Variants in DIP2B observed in about 807,000 individuals in gnomAD.
DIP2B encodes the protein DIP2 acetate--CoA ligase B (putative).
Under a neutral mutation model 198.0 loss-of-function variants are expected in DIP2B, and 76 were observed. The observed-to-expected ratio is 0.38, with a 90% CI of 0.32 to 0.46. The LOEUF is 0.46. Ranked by LOEUF, DIP2B falls within the 20% of genes least tolerant of loss-of-function variation. The probability of loss-of-function intolerance (pLI) is 0.99; values close to 1 mark genes in which losing one functional copy is unlikely to be tolerated. For missense variants in DIP2B, 1,559 were observed against 1,978.4 expected (o/e 0.79, Z 4.02); for synonymous variants, 701 against 739.1 (o/e 0.95, Z 0.84).
chr12:50,633,174 A>T (rs1938093969), intron 2 of DIP2B: 1 of 152,212 alleles, frequency 6.6e-6, no homozygotes, highest in Admixed American at 6.5e-5. Context: ...AATGTTACAT[A>T]AATCTTTAAA....
intron 9 of DIP2B, among the ~76,000 whole-genome samples, chr12:50,682,590 C>T (rs1939060650): frequency 7.5e-6 from 1 of 133,464 alleles, no homozygotes; most frequent in Non-Finnish European, 1.5e-5. Context: ...GATCGCACCA[C>T]TGCATTCCAG....
Position 50,695,906 on chromosome 12 carries a change from C to A in DIP2B, c.1872C>A (p.Asp624Glu). The change falls in exon 16 of 38, where the codon GAC becomes GAA. Residue 624 changes from aspartate (D) to glutamate (E), a missense_variant. Asp to Glu is a conservative substitution (Grantham distance 45). Transcript: ENST00000301180. ...DLHWAMMAHR[D>E]QRDVSLSSLR... is the part of the protein sequence containing the mutation. Reference sequence around the variant, plus strand: ...ACTGGGCTATGATGGCACATCGGGACCAAAGAGACGTGAGCTTGAGTTCCC... The same window carrying A: ...ACTGGGCTATGATGGCACATCGGGAACAAAGAGACGTGAGCTTGAGTTCCC... 1 of 1,614,056 alleles carries A rather than the reference C, an allele frequency of 6.2e-7. No homozygotes were observed. The highest frequency in any genetic ancestry group is 8.5e-7 in the Non-Finnish European group (1 of 1,179,970).
At chr12:50,526,791 A>G (rs1958169783) in intron 1 of DIP2B, among the ~76,000 whole-genome samples, 2 of 151,730 alleles carry the variant, frequency 1.3e-5, no homozygotes, top group South Asian at 4.2e-4. Flanking sequence ...CTGTGCCACC[A>G]CGCTTGGCTA....
chr12:50,535,765 C>G (rs9738596), intron 1 of DIP2B, among the ~76,000 whole-genome samples: 131,914 of 151,184 alleles, frequency 0.87, 58,721 homozygotes, highest in Non-Finnish European at 0.98. Flanking sequence ...AGTTACATAT[C>G]TATACATGTG....
At chr12:50,639,992 A>C (rs1938225797) in intron 2 of DIP2B, among the ~76,000 whole-genome samples, 1 of 152,172 alleles carries the variant, frequency 6.6e-6, no homozygotes, top group Admixed American at 6.6e-5. Flanking sequence ...CAAGATTAGT[A>C]AGTTCTGCTT....
At chr12:50,532,584 CA>C (rs1341619793) in intron 1 of DIP2B, among the ~76,000 whole-genome samples, 1 of 152,006 alleles carries the variant, frequency 6.6e-6, no homozygotes, top group Admixed American at 6.6e-5. Flanking sequence ...TGAAGACATA[CA>C]AAAAAACCCA....
chr12:50,650,883 G>A (rs963710696), intron 3 of DIP2B, among the ~76,000 whole-genome samples: 3 of 152,082 alleles, frequency 2.0e-5, no homozygotes, highest in African/African-American at 7.2e-5. Flanking sequence ...AGGAAACTCC[G>A]TACTATTTTC....
intron 22 of DIP2B, among the ~76,000 whole-genome samples, chr12:50,712,050 C>T (rs1939625695): frequency 1.3e-5 from 2 of 152,092 alleles, no homozygotes; most frequent in Admixed American, 1.3e-4. Flanking sequence ...TGCCTGTGGT[C>T]CCACTTACTT....
chr12:50,695,565 C>A (rs1939296220), intron 15 of DIP2B, among the ~76,000 whole-genome samples: 1 of 152,036 alleles, frequency 6.6e-6, no homozygotes, highest in Admixed American at 6.5e-5. Context: ...CAAATGCGAG[C>A]CTTGAATTAG....
intron 26 of DIP2B, among the ~76,000 whole-genome samples, chr12:50,721,927 A>G (rs1939843523): frequency 6.6e-6 from 1 of 152,230 alleles, no homozygotes; most frequent in Non-Finnish European, 1.5e-5. Flanking sequence ...TAGAAAGCTG[A>G]TGTATAAAAA....
In DIP2B at chr12:50,704,196, A is replaced by G. The variant is rs779087244; in HGVS notation, c.2382A>G (p.Ser794=). The G allele has an allele frequency of 2.5e-6, 4 of 1,611,372 alleles. 1 individual carries two copies. In the Admixed American group the frequency reaches 5.1e-5, roughly 21 times the overall value. Residue 794 remains serine (S), a synonymous_variant, in exon 20 of 38, where the codon TCA becomes TCG. Coordinates refer to ENST00000301180, the MANE Select transcript of DIP2B (RefSeq NM_173602.3). ...TTGGGGATGTGCCATTCATCCGATC[A>G]GGATTGCTGGGGTTTGTAGGGCCGG... ...SPVGDVPFIR[S]GLLGFVGPGS...
intron 1 of DIP2B, among the ~76,000 whole-genome samples, chr12:50,601,156 G>T (rs1435563294): frequency 6.6e-6 from 1 of 152,104 alleles, no homozygotes; most frequent in Non-Finnish European, 1.5e-5. Context: ...ACCCTTGTCT[G>T]CTTTGGCACA....
chr12:50,582,284 GGGATTACA>G (rs1269707805), intron 1 of DIP2B, among the ~76,000 whole-genome samples: 1 of 150,986 alleles, frequency 6.6e-6, no homozygotes, highest in East Asian at 1.9e-4. Context: ...CCAAGTAGCT[GGGATTACA>G]GGTGCGCACC....
intron 1 of DIP2B, among the ~76,000 whole-genome samples, chr12:50,510,708 C>T (rs558454153): frequency 2.1e-4 from 31 of 150,978 alleles, no homozygotes; most frequent in Middle Eastern, 3.4e-3. Context: ...TGTAATGGCA[C>T]GATCTCAGCT....
Position 50,674,521 on chromosome 12 carries a change from T to G in DIP2B, c.688T>G (p.Ser230Ala), listed in dbSNP as rs142189582. 4.9e-5 allele frequency: 79 copies of G among 1,614,124 alleles called. No individual in the cohort carries two copies. Among genetic ancestry groups the G allele is most frequent in the African/African-American group, 6.7e-5 (5 of 74,952 alleles). The change falls in exon 6 of 38, where the codon TCA becomes GCA. Residue 230 changes from serine to alanine, a missense_variant. Physicochemically the swap from Ser to Ala is moderately conservative, Grantham distance 99 (BLOSUM62 1). Transcript: ENST00000301180. ...PDVTTTTSSS[S>A]SSSSIRPANI... ...TGTCACTACAACTACCTCTTCCTCC[T>G]CATCATCTTCCTCAATTCGCCCAGC... is the stretch of plus-strand genomic sequence containing the variant.
At chr12:50,643,072 ACCTT>A (rs1486932383) in intron 3 of DIP2B, among the ~76,000 whole-genome samples, 8 of 149,568 alleles carry the variant, frequency 5.3e-5, no homozygotes. Context: ...TGTTTTTTTA[ACCTT>A]CCTTTTTCTT....
At chr12:50,609,144 T>C (rs959163660) in intron 1 of DIP2B, among the ~76,000 whole-genome samples, 1 of 150,048 alleles carries the variant, frequency 6.7e-6, no homozygotes, top group African/African-American at 2.4e-5. Flanking sequence ...AAAAAAATAA[T>C]AAAAAAAAAA....
intron 5 of DIP2B, among the ~76,000 whole-genome samples, chr12:50,672,907 T>A (rs1938879132): frequency 6.6e-6 from 1 of 152,254 alleles, no homozygotes; most frequent in East Asian, 1.9e-4. Context: ...TACATCATTA[T>A]GTTACACTAT....
intron 19 of DIP2B, among the ~76,000 whole-genome samples, chr12:50,702,870 ATTAC>A (rs1230970019): frequency 6.6e-6 from 1 of 152,142 alleles, no homozygotes; most frequent in Admixed American, 6.5e-5. Flanking sequence ...ATTCAGACAT[ATTAC>A]TTATAAAATG....
Sources: allele counts gnomAD v4.1 joint callset (sites outside exome capture counted in the v4.1 genomes callset), GRCh38; gene constraint gnomAD v4.1.1; transcripts MANE v1.5; gene names NCBI Gene and HGNC (gene_info 2026-07-23, HGNC 2026-07-21).